The following NCOA2 variants were observed in gnomAD, a reference collection of about 807,000 sequenced individuals.
The protein encoded by NCOA2 is class E basic helix-loop-helix protein 75.
A neutral mutation model predicts 145.1 loss-of-function variants in NCOA2; 21 were observed. That is an observed-to-expected ratio of 0.14 (90% CI 0.10 to 0.21). The LOEUF is 0.21. NCOA2 is among the 10% of genes least tolerant of loss of function. The probability of loss-of-function intolerance (pLI) is 1.00; values close to 1 mark genes in which losing one functional copy is unlikely to be tolerated. For missense variants in NCOA2, 1,472 were observed against 1,837.6 expected (o/e 0.80, Z 3.64); for synonymous variants, 619 against 637.5 (o/e 0.97, Z 0.44).
chr8:70,358,049 G>C (rs928505599), intron 1 of NCOA2, among the ~76,000 whole-genome samples: 2 of 150,982 alleles, frequency 1.3e-5, no homozygotes, highest in Admixed American at 6.6e-5. Flanking sequence ...AGACTCAGTC[G>C]CAAAAAAAAC....
intron 4 of NCOA2, among the ~76,000 whole-genome samples, chr8:70,194,781 C>G (rs1817093538): frequency 6.8e-6 from 1 of 146,214 alleles, no homozygotes; most frequent in Non-Finnish European, 1.5e-5. Flanking sequence ...TCCTAGTAAA[C>G]TAAAACTCGG....
At chr8:70,229,316 G>A (rs777762323) in intron 2 of NCOA2, among the ~76,000 whole-genome samples, 1 of 152,152 alleles carries the variant, frequency 6.6e-6, no homozygotes, top group African/African-American at 2.4e-5. Flanking sequence ...GAAGATACAA[G>A]TATGGAATTA....
chr8:70,154,036 GCAA>G (rs1812036055), intron 11 of NCOA2, among the ~76,000 whole-genome samples: 1 of 152,212 alleles, frequency 6.6e-6, no homozygotes, highest in South Asian at 2.1e-4. Context: ...AGCTAGAAGA[GCAA>G]GTGTGGCCTT....
At chr8:70,212,218 G>C (rs1244196403) in intron 4 of NCOA2, among the ~76,000 whole-genome samples, 3 of 151,988 alleles carry the variant, frequency 2.0e-5, no homozygotes, top group African/African-American at 7.3e-5. Context: ...AATGACATCA[G>C]CAACTAGAAA....
At chr8:70,203,492 C>G (rs1486079192) in intron 4 of NCOA2, among the ~76,000 whole-genome samples, 1 of 151,656 alleles carries the variant, frequency 6.6e-6, no homozygotes, top group Non-Finnish European at 1.5e-5. Context: ...TTACTATAAT[C>G]CCAGCTACTT....
At chr8:70,405,437 GTTT>G (rs34814735), upstream of NCOA2, among the ~76,000 whole-genome samples, 10 of 59,384 alleles carry the variant, frequency 1.7e-4, no homozygotes, top group East Asian at 2.7e-3. Context: ...ATTTTTAAAG[GTTT>G]TTTTTTTTTT....
chr8:70,358,958 A>G (rs1004806272), intron 1 of NCOA2, among the ~76,000 whole-genome samples: 4 of 152,232 alleles, frequency 2.6e-5, no homozygotes, highest in Non-Finnish European at 5.9e-5. Context: ...ACAAATGGCC[A>G]ATAAGCACAT....
rs755328681 is a variant in NCOA2 at position 70,156,518 on chromosome 8, T to C, written c.1847A>G (p.Asn616Ser). Residue 616 changes from asparagine to serine, a missense_variant, in exon 11 of 23, where the codon AAC (asparagine) becomes AGC (serine). Asn to Ser is a conservative substitution (Grantham distance 46). This residue lies in a region of NCOA2 where 953 missense variants were observed against 1,062.1 expected (regional missense o/e 0.90). Coordinates refer to ENST00000452400, the MANE Select transcript of NCOA2 (RefSeq NM_006540.4). The stretch of plus-strand genomic sequence containing the variant: ...CTCACTGCTCACGGCCGGGGGCAGG[T>C]TGGGGTCATTTGTTTCCTTTTGCTC... ...PGEQKETNDP[N>S]LPPAVSSERA... The C allele has an allele frequency of 6.2e-6, 10 of 1,613,796 alleles. No individual in the cohort carries two copies. Among genetic ancestry groups the C allele is most frequent in the Non-Finnish European group, 7.6e-6 (9 of 1,179,842 alleles).
At chr8:70,241,260 C>T (rs188507090) in intron 2 of NCOA2, among the ~76,000 whole-genome samples, 2 of 152,262 alleles carry the variant, frequency 1.3e-5, no homozygotes, top group African/African-American at 2.4e-5. Context: ...ATGCAACACA[C>T]TTCTTTCAGA....
intron 2 of NCOA2, among the ~76,000 whole-genome samples, chr8:70,292,967 A>G (rs537582432): frequency 2.0e-4 from 30 of 152,356 alleles, no homozygotes; most frequent in African/African-American, 7.0e-4. Flanking sequence ...TATTAAGTGC[A>G]GAGGAGTCTA....
At position 70,128,696 on chromosome 8, in the gene NCOA2, A is replaced by G. The variant is rs748584120; in HGVS notation, c.3603+6T>C. ...CTGACTTCCCAGGTGCCATCGAAGA[A>G]CAGACCTGCTGTGCTTGGAGGCGAT... On this transcript the variant is annotated splice_donor_region_variant and intron_variant, in intron 17 of 22. Coordinates refer to ENST00000452400, the MANE Select transcript of NCOA2 (RefSeq NM_006540.4). 4.3e-6 allele frequency: 7 copies of G among 1,612,388 alleles called. No individual in the cohort carries two copies.
intron 1 of NCOA2, among the ~76,000 whole-genome samples, chr8:70,334,589 T>TA (rs1316245768): frequency 6.6e-6 from 1 of 152,158 alleles, no homozygotes; most frequent in Non-Finnish European, 1.5e-5. Context: ...TCTTGCCTAT[T>TA]AGAGCATGAA....
At chr8:70,398,493 A>T (rs1411961243) in intron 1 of NCOA2, among the ~76,000 whole-genome samples, 3 of 152,098 alleles carry the variant, frequency 2.0e-5, no homozygotes, top group African/African-American at 7.2e-5. Context: ...CAACAGCAAG[A>T]CCAAAGTAAG....
At chr8:70,260,867 G>T (rs1013239329) in intron 2 of NCOA2, among the ~76,000 whole-genome samples, 4 of 152,082 alleles carry the variant, frequency 2.6e-5, no homozygotes, top group African/African-American at 9.7e-5. Flanking sequence ...ACCATCACTG[G>T]CCATCAGAGA....
chr8:70,433,847 A>G, the NCOA2 span, among the ~76,000 whole-genome samples: 3 of 152,226 alleles, frequency 2.0e-5, no homozygotes, highest in Admixed American at 6.5e-5. Context: ...AGAAGCACAC[A>G]TGCAGAAAAA....
chr8:70,123,116 T>C (rs1231537225), intron 21 of NCOA2, among the ~76,000 whole-genome samples: 1 of 152,232 alleles, frequency 6.6e-6, no homozygotes, highest in East Asian at 1.9e-4. Context: ...CTATCTCAAA[T>C]GCTTTGAGTC....
intron 13 of NCOA2, 109 bp from the exon 14 acceptor site, chr8:70,141,508 C>A: frequency 2.0e-6 from 2 of 1,022,456 alleles, no homozygotes; most frequent in Non-Finnish European, 2.9e-6. Flanking sequence ...GTAATTCACA[C>A]TTAGCCAATA....
At chr8:70,123,803 C>T (rs915235605) in intron 21 of NCOA2, 81 bp downstream of exon 21, 2 of 1,223,944 alleles carry the variant, frequency 1.6e-6, no homozygotes, top group African/African-American at 3.0e-5. Context: ...AAGTCAGATA[C>T]ATGGAAAGAT....
intron 9 of NCOA2, 44 bp downstream of exon 9, chr8:70,162,667 C>T: frequency 6.4e-7 from 1 of 1,571,828 alleles, no homozygotes. Context: ...AGAAAGCTCC[C>T]ACAGGAAGCA....
Sources: allele counts gnomAD v4.1 joint callset (sites outside exome capture counted in the v4.1 genomes callset), GRCh38; gene constraint gnomAD v4.1.1; regional missense constraint gnomAD v4.1.1; transcripts MANE v1.5; gene names NCBI Gene and HGNC (gene_info 2026-07-23, HGNC 2026-07-21).